The following HELZ variants were observed in gnomAD, a reference collection of about 807,000 sequenced individuals.
HELZ encodes the protein helicase with zinc finger.
HELZ carries 23 observed loss-of-function variants against 218.2 expected under a neutral mutation model. That is an observed-to-expected ratio of 0.11 (90% CI 0.08 to 0.15). HELZ has a LOEUF of 0.15. Ranked by LOEUF, HELZ falls within the 10% of genes least tolerant of loss-of-function variation. The pLI is 1.00. For synonymous variants in HELZ, 814 were observed against 829.4 expected, an observed-to-expected ratio of 0.98 and a Z score of 0.32; for missense variants, 1,813 against 2,353.7, an observed-to-expected ratio of 0.77 and a Z score of 4.75.
chr17:67,120,552 C>G lies in HELZ; in HGVS notation c.3691G>C (p.Ala1231Pro), dbSNP rs772923855. 8 of 1,613,328 alleles carry G rather than the reference C, an allele frequency of 5.0e-6. No individual in the cohort carries two copies. The African/African-American group carries it at 1.1e-4, about 22-fold the overall frequency. Reference protein sequence around the residue: ...AVDPRIITHQAAMAYNMNLLQ... With the variant: ...AVDPRIITHQPAMAYNMNLLQ... ...AGGTTCATGTTATAGGCCATTGCTGCCTGATGTGTAATAATTCGAGGATCA... is the reference window on the plus strand; with the variant it reads ...AGGTTCATGTTATAGGCCATTGCTGGCTGATGTGTAATAATTCGAGGATCA... Residue 1231 changes from alanine (A) to proline (P), a missense_variant, in exon 27 of 33, where the codon GCA (alanine) becomes CCA (proline). By Grantham distance (27) the Ala-to-Pro change is conservative (BLOSUM62 -1). Around this residue, in one of 4 missense-constraint regions of HELZ, gnomAD observed 938 missense variants for 1,027.5 expected, o/e 0.91. Coordinates refer to ENST00000358691, the MANE Select transcript of HELZ (RefSeq NM_014877.4).
intron 31 of HELZ, among the ~76,000 whole-genome samples, chr17:67,103,645 A>G (rs2036997232): frequency 2.0e-5 from 3 of 152,252 alleles, no homozygotes; most frequent in Non-Finnish European, 4.4e-5. Context: ...AAGACTTAAT[A>G]TTGTTAAGGT....
intron 21 of HELZ, among the ~76,000 whole-genome samples, chr17:67,144,003 T>C (rs538111733): frequency 3.3e-5 from 5 of 152,314 alleles, no homozygotes; most frequent in African/African-American, 1.2e-4. Flanking sequence ...TAAACTCTTT[T>C]CAAATGCCCT....
At chr17:67,224,285 G>C (rs991407018) in intron 3 of HELZ, 1 of 157,480 alleles carries the variant, frequency 6.4e-6, no homozygotes, top group Non-Finnish European at 1.4e-5. Context: ...TGAATATACC[G>C]CAGCCATTTT....
At chr17:67,204,360 C>G (rs1389131158) in intron 5 of HELZ, among the ~76,000 whole-genome samples, 1 of 152,120 alleles carries the variant, frequency 6.6e-6, no homozygotes, top group Non-Finnish European at 1.5e-5. Flanking sequence ...CACTACTCAA[C>G]GAAGTTTTCA....
chr17:67,199,848 C>T (rs2040124640), intron 7 of HELZ, among the ~76,000 whole-genome samples: 2 of 152,120 alleles, frequency 1.3e-5, no homozygotes, highest in Admixed American at 1.3e-4. Context: ...CTGTCTGAAG[C>T]GCCCTCCATC....
At chr17:67,121,123 G>A (rs937815752) in intron 26 of HELZ, among the ~76,000 whole-genome samples, 4 of 152,036 alleles carry the variant, frequency 2.6e-5, no homozygotes, top group Admixed American at 6.5e-5. Flanking sequence ...TTTATTATAG[G>A]TAAAATTCAA....
upstream of HELZ, chr17:67,245,348 C>T (rs1023676659): frequency 1.4e-6 from 1 of 706,654 alleles, no homozygotes; most frequent in African/African-American, 1.9e-5. Context: ...CAGCTGGCCC[C>T]TTCCCCTCCC....
intron 21 of HELZ, among the ~76,000 whole-genome samples, chr17:67,141,375 C>A (rs1195458142): frequency 1.3e-5 from 2 of 151,844 alleles, no homozygotes; most frequent in Admixed American, 1.3e-4. Flanking sequence ...GTTAATACAG[C>A]AAACTCCATA....
At position 67,083,103 on chromosome 17, in the gene HELZ, C is replaced by T. The variant is rs899041269; in HGVS notation, c.5494+3726G>A. 2.6e-5 allele frequency among the ~76,000 whole-genome samples: 4 copies of T among 151,830 alleles called. No homozygotes were observed. In the East Asian group the frequency reaches 5.8e-4, roughly 22 times the overall value. Reference sequence around the variant, plus strand: ...AACTCCTGACCTCAGGTGATCCACTCGCTTCGGCCTCCCAAAGTGCTGGGA... The same window carrying T: ...AACTCCTGACCTCAGGTGATCCACTTGCTTCGGCCTCCCAAAGTGCTGGGA... On this transcript the variant is annotated intron_variant, in intron 32 of 32. Transcript: ENST00000358691.
chr17:67,173,801 C>A (rs540250481), intron 13 of HELZ, among the ~76,000 whole-genome samples: 9 of 151,940 alleles, frequency 5.9e-5, no homozygotes, highest in African/African-American at 2.2e-4. Flanking sequence ...ATGAAATGTG[C>A]ACCCCACACT....
Position 67,077,433 on chromosome 17 carries a change from T to C in HELZ, c.*819A>G, listed in dbSNP as rs934999498. On this transcript the variant is annotated 3_prime_UTR_variant, in exon 33 of 33. Coordinates refer to ENST00000358691, the MANE Select transcript of HELZ (RefSeq NM_014877.4). ...AATTCACGCATTTTTAAAATAGTTATCAAGTCTACTAAGCACCAACAATCC... is the reference window on the plus strand; with the variant it reads ...AATTCACGCATTTTTAAAATAGTTACCAAGTCTACTAAGCACCAACAATCC... The C allele has an allele frequency of 5.3e-5, 8 of 152,106 alleles. No individual in the cohort carries two copies. Among genetic ancestry groups the C allele is most frequent in the Admixed American group, 2.6e-4 (4 of 15,258 alleles). 9.4% of individuals were successfully genotyped at this position (152,106 alleles called of 1,614,324 possible).
chr17:67,089,030 A>G (rs1426378947), intron 31 of HELZ, among the ~76,000 whole-genome samples: 1 of 147,786 alleles, frequency 6.8e-6, no homozygotes, highest in African/African-American at 2.5e-5. Context: ...AGCTCTTAAA[A>G]TTGAAATGTA....
intron 13 of HELZ, among the ~76,000 whole-genome samples, chr17:67,175,513 A>G (rs1198315001): frequency 1.3e-5 from 2 of 152,254 alleles, no homozygotes; most frequent in African/African-American, 2.4e-5. Flanking sequence ...TTTAAGCAAC[A>G]TATGAATGTC....
intron 17 of HELZ, among the ~76,000 whole-genome samples, chr17:67,151,715 A>G (rs2038689872): frequency 6.6e-6 from 1 of 152,202 alleles, no homozygotes. Context: ...TTATACCTAT[A>G]CTTAAGTAGA....
intron 27 of HELZ, among the ~76,000 whole-genome samples, chr17:67,117,552 C>CTTTT (rs35601947): frequency 7.0e-6 from 1 of 143,048 alleles, no homozygotes; most frequent in East Asian, 2.0e-4. Context: ...ATACTGAAAA[C>CTTTT]TTTTTTTTTT....
intron 21 of HELZ, among the ~76,000 whole-genome samples, chr17:67,140,342 C>T (rs1055632413): frequency 6.6e-6 from 1 of 152,184 alleles, no homozygotes; most frequent in Non-Finnish European, 1.5e-5. Context: ...GGAAGGCTCA[C>T]AAACTGGCAA....
chr17:67,236,374 G>A (rs1026804496), intron 3 of HELZ, among the ~76,000 whole-genome samples: 16 of 151,966 alleles, frequency 1.1e-4, no homozygotes, highest in African/African-American at 3.1e-4. Flanking sequence ...TATATGTGAG[G>A]AGCCATAAAA....
chr17:67,091,743 T>C (rs1194698429), intron 31 of HELZ, among the ~76,000 whole-genome samples: 2 of 152,218 alleles, frequency 1.3e-5, no homozygotes, highest in Non-Finnish European at 2.9e-5. Context: ...TTCCATGTCA[T>C]GGACACTCTT....
Position 67,136,215 on chromosome 17 carries a change from T to G in HELZ, c.2954-17A>C. On this transcript the variant is annotated splice_polypyrimidine_tract_variant and intron_variant, in intron 22 of 32. Transcript: ENST00000358691. Reference sequence around the variant, plus strand: ...ATTGCTTTCCTACAAAGAAAATTTTTTAAGAAAAGACTTAAGATTGTCATT... The same window carrying G: ...ATTGCTTTCCTACAAAGAAAATTTTGTAAGAAAAGACTTAAGATTGTCATT... 6.5e-7 allele frequency: 1 copy of G among 1,527,868 alleles called. No individual in the cohort carries two copies. The highest frequency in any genetic ancestry group is 9.0e-7 in the Non-Finnish European group (1 of 1,112,494). 94.6% of individuals were successfully genotyped at this position (1,527,868 alleles called of 1,614,324 possible).
Sources: gnomAD v4.1 joint callset for allele counts (sites outside exome capture counted in the v4.1 genomes callset) on GRCh38, gnomAD v4.1.1 for gene constraint, gnomAD v4.1.1 regional missense constraint, MANE v1.5 for transcripts, NCBI Gene and HGNC (gene_info 2026-07-23, HGNC 2026-07-21) for gene names.